LARGE1: variants seen among roughly 807,000 people sequenced by gnomAD.
The protein encoded by LARGE1 is xylosyl- and glucuronyltransferase LARGE1.
Under a neutral mutation model 87.6 loss-of-function variants are expected in LARGE1, and 43 were observed. The observed-to-expected ratio is 0.49, with a 90% CI of 0.38 to 0.63. The LOEUF is 0.63. Among genes scored for constraint, LARGE1 ranks in the 30% least tolerant of loss-of-function variants. The pLI is 0.00. For missense variants in LARGE1, 802 were observed against 1,000.2 expected, an observed-to-expected ratio of 0.80 and a Z score of 2.67; for synonymous variants, 434 against 394.6, an observed-to-expected ratio of 1.10 and a Z score of -1.18.
At chr22:33,072,741 A>G in the LARGE1 span, among the ~76,000 whole-genome samples, 1 of 152,052 alleles carries the variant, frequency 6.6e-6, no homozygotes, top group Non-Finnish European at 1.5e-5. Context: ...TTCTCTCATA[A>G]AGCCAATTCT....
At chr22:33,386,164 T>A (rs1417369459) in intron 7 of LARGE1, among the ~76,000 whole-genome samples, 1 of 149,038 alleles carries the variant, frequency 6.7e-6, no homozygotes, top group East Asian at 1.9e-4. Context: ...ACATCACGTA[T>A]CATTTCCCCT....
intron 2 of LARGE1, among the ~76,000 whole-genome samples, chr22:33,738,587 C>T (rs1290080063): frequency 1.3e-5 from 2 of 152,152 alleles, no homozygotes; most frequent in East Asian, 3.9e-4. Flanking sequence ...GGGCCGGGCG[C>T]GGTGGCTCAC....
chr22:33,571,432 C>T (rs1172183767), intron 5 of LARGE1, among the ~76,000 whole-genome samples: 3 of 152,160 alleles, frequency 2.0e-5, no homozygotes, highest in African/African-American at 7.2e-5. Context: ...ACAGTGGACA[C>T]ACCTCACCTC....
intron 6 of LARGE1, among the ~76,000 whole-genome samples, chr22:33,561,363 C>T (rs765604996): frequency 6.6e-6 from 1 of 152,182 alleles, no homozygotes; most frequent in Non-Finnish European, 1.5e-5. Context: ...AGTTGGTAGT[C>T]AGACAGGTGT....
chr22:33,687,858 CT>C (rs993596457), intron 2 of LARGE1, among the ~76,000 whole-genome samples: 3 of 152,182 alleles, frequency 2.0e-5, no homozygotes, highest in African/African-American at 7.2e-5. Context: ...TTGTCCTATT[CT>C]TTATCTGACG....
At chr22:33,416,708 A>T (rs1046111712) in intron 7 of LARGE1, among the ~76,000 whole-genome samples, 4 of 151,134 alleles carry the variant, frequency 2.6e-5, no homozygotes. Flanking sequence ...GGTTCAGGCG[A>T]TTTTCTTACC....
intron 1 of LARGE1, among the ~76,000 whole-genome samples, chr22:33,875,497 C>T (rs1190782078): frequency 6.6e-6 from 1 of 152,208 alleles, no homozygotes; most frequent in African/African-American, 2.4e-5. Flanking sequence ...CATCTCCAAC[C>T]ATGCCAAGGG....
At chr22:33,187,959 A>AAAAAAC (rs1448688759) in intron 11 of LARGE1, among the ~76,000 whole-genome samples, 1 of 116,168 alleles carries the variant, frequency 8.6e-6, no homozygotes, top group Non-Finnish European at 1.9e-5. Context: ...AAAAAAAAAA[A>AAAAAAC]ATCACTAAGA....
At chr22:33,879,387 G>A (rs908350808) in intron 1 of LARGE1, among the ~76,000 whole-genome samples, 5 of 152,314 alleles carry the variant, frequency 3.3e-5, no homozygotes, top group Admixed American at 1.3e-4. Flanking sequence ...GCCCCATGAG[G>A]CATGGATCCT....
intron 6 of LARGE1, among the ~76,000 whole-genome samples, chr22:33,450,526 T>A (rs144533089): frequency 4.0e-5 from 6 of 151,532 alleles, no homozygotes; most frequent in Non-Finnish European, 7.4e-5. Context: ...GGCAGGAGAA[T>A]CGCTGGAACC....
At position 33,544,006 on chromosome 22, in the gene LARGE1, G is replaced by C. The variant is rs1025253822; in HGVS notation, c.787+20842C>G. On this transcript the variant is annotated intron_variant, in intron 6 of 14. Coordinates refer to ENST00000397394, the MANE Select transcript of LARGE1 (RefSeq NM_133642.5). The stretch of plus-strand genomic sequence containing the variant: ...GTCTAGAATTTTGGTATGTCCTAGA[G>C]AATGTCCACATAACCAGCCCCCAAT... Among the ~76,000 whole-genome samples, 24 of 152,222 alleles carry C rather than the reference G, an allele frequency of 1.6e-4. 2 individuals carry two copies. Among genetic ancestry groups the C allele is most frequent in the Admixed American group, 1.4e-3 (22 of 15,288 alleles).
intron 11 of LARGE1, among the ~76,000 whole-genome samples, chr22:33,194,210 A>G (rs1376257129): frequency 6.6e-6 from 1 of 152,142 alleles, no homozygotes; most frequent in African/African-American, 2.4e-5. Context: ...TTCTTTGTCC[A>G]AAGTTATGGT....
At chr22:33,386,325 G>A (rs1281154430) in intron 7 of LARGE1, among the ~76,000 whole-genome samples, 1 of 149,054 alleles carries the variant, frequency 6.7e-6, no homozygotes, top group East Asian at 1.9e-4. Flanking sequence ...CAAGGCCAGT[G>A]CTTCTTCCAC....
chr22:33,470,835 C>T (rs1569192821), intron 6 of LARGE1, among the ~76,000 whole-genome samples: 1 of 152,140 alleles, frequency 6.6e-6, no homozygotes, highest in Non-Finnish European at 1.5e-5. Context: ...CATAGAAACA[C>T]CATGCATGAA....
the LARGE1 span, among the ~76,000 whole-genome samples, chr22:33,110,115 G>C: frequency 6.6e-6 from 1 of 152,192 alleles, no homozygotes; most frequent in Non-Finnish European, 1.5e-5. Flanking sequence ...CACCAAAACT[G>C]TCTGACTATT....
At chr22:33,795,382 C>T (rs1306318897) in intron 1 of LARGE1, among the ~76,000 whole-genome samples, 1 of 152,108 alleles carries the variant, frequency 6.6e-6, no homozygotes, top group Non-Finnish European at 1.5e-5. Context: ...GCAACCATGA[C>T]TATATATACA....
chr22:33,714,381 C>T (rs551144111), intron 2 of LARGE1, among the ~76,000 whole-genome samples: 9 of 152,280 alleles, frequency 5.9e-5, no homozygotes, highest in African/African-American at 1.4e-4. Flanking sequence ...ACCATGGAGA[C>T]GTTCCTTACC....
intron 7 of LARGE1, among the ~76,000 whole-genome samples, chr22:33,410,744 G>A (rs1258998693): frequency 6.6e-6 from 1 of 152,060 alleles, no homozygotes; most frequent in Non-Finnish European, 1.5e-5. Flanking sequence ...TGAAGGCCCA[G>A]AAAGAGATTG....
At position 33,579,550 on chromosome 22, in the gene LARGE1, T is replaced by G. The variant is rs576982265; in HGVS notation, c.616-14531A>C. Among the ~76,000 whole-genome samples, 4 of 152,274 alleles carry G rather than the reference T, an allele frequency of 2.6e-5. 1 individual carries two copies. The South Asian group carries it at 8.3e-4, about 32-fold the overall frequency. On this transcript the variant is annotated intron_variant, in intron 5 of 14. Coordinates refer to ENST00000397394, the MANE Select transcript of LARGE1 (RefSeq NM_133642.5). ...CCAAGTGGAGCCTGGATGTCCTCCT[T>G]CAGGACACTGATAAAGACCTGCTGC...
Sources: gnomAD v4.1 joint callset for allele counts (sites outside exome capture counted in the v4.1 genomes callset) on GRCh38, gnomAD v4.1.1 for gene constraint, MANE v1.5 for transcripts, NCBI Gene and HGNC (gene_info 2026-07-23, HGNC 2026-07-21) for gene names.